The following INPP4B variants were observed in gnomAD, a reference collection of about 807,000 sequenced individuals.
The protein encoded by INPP4B is inositol polyphosphate 4-phosphatase type II.
Under a neutral mutation model 122.5 loss-of-function variants are expected in INPP4B, and 55 were observed. The ratio of observed to expected loss-of-function variants is 0.45; its 90% CI spans 0.36 to 0.56. The LOEUF (loss-of-function observed/expected upper bound fraction) is 0.56. Ranked by LOEUF, INPP4B falls within the 20% of genes least tolerant of loss-of-function variation. The pLI, the probability that INPP4B is intolerant of heterozygous loss-of-function variation, is 0.00. For synonymous variants in INPP4B, 403 were observed against 388.7 expected (o/e 1.04, Z -0.43); for missense variants, 1,000 against 1,097.7 (o/e 0.91, Z 1.26).
At chr4:142,315,138 T>C (rs1442322394) in intron 7 of INPP4B, among the ~76,000 whole-genome samples, 2 of 152,180 alleles carry the variant, frequency 1.3e-5, no homozygotes, top group Non-Finnish European at 2.9e-5. Context: ...AAAGAAATGA[T>C]AAATGTTTGA....
intron 2 of INPP4B, among the ~76,000 whole-genome samples, chr4:142,642,295 G>T (rs1371549623): frequency 3.9e-5 from 6 of 152,212 alleles, no homozygotes; most frequent in African/African-American, 7.2e-5. Flanking sequence ...GTCAATTTTG[G>T]CTTTTGTTGC....
chr4:142,479,766 A>G (rs983545142), intron 2 of INPP4B, among the ~76,000 whole-genome samples: 1 of 152,142 alleles, frequency 6.6e-6, no homozygotes, highest in African/African-American at 2.4e-5. Context: ...TATTGAGTAC[A>G]CGTGGACACA....
intron 11 of INPP4B, among the ~76,000 whole-genome samples, chr4:142,246,733 C>T (rs1197638977): frequency 6.6e-6 from 1 of 152,142 alleles, no homozygotes; most frequent in Non-Finnish European, 1.5e-5. Context: ...AGAATCATGT[C>T]ATCTGCAAAC....
chr4:142,199,632 G>A (rs143587443), intron 14 of INPP4B, among the ~76,000 whole-genome samples: 22 of 152,010 alleles, frequency 1.4e-4, no homozygotes, highest in East Asian at 1.2e-3. Context: ...AAGCTCCTCC[G>A]ATCTATAACA....
chr4:142,828,655 A>G lies in INPP4B; in HGVS notation c.-254+17554T>C, dbSNP rs1240962118. ...AGTGGGCTTACATTGAAAAATGAACATAAACTCAAGAAAACAAGCCATAGT... is the reference window on the plus strand; with the variant it reads ...AGTGGGCTTACATTGAAAAATGAACGTAAACTCAAGAAAACAAGCCATAGT... On this transcript the variant is annotated intron_variant, in intron 1 of 25. Transcript: ENST00000262992. 2.0e-5 allele frequency among the ~76,000 whole-genome samples: 3 copies of G among 152,308 alleles called. No homozygotes were observed. In the East Asian group the frequency reaches 5.8e-4, roughly 29 times the overall value.
intron 2 of INPP4B, among the ~76,000 whole-genome samples, chr4:142,660,312 C>A (rs1445185402): frequency 6.6e-6 from 1 of 152,120 alleles, no homozygotes; most frequent in Non-Finnish European, 1.5e-5. Context: ...TCACTTACCC[C>A]TGGGTATCTG....
chr4:142,140,530 T>C (rs1236556707), intron 18 of INPP4B, among the ~76,000 whole-genome samples: 1 of 152,190 alleles, frequency 6.6e-6, no homozygotes, highest in Non-Finnish European at 1.5e-5. Flanking sequence ...TTTTATCTGT[T>C]ACTTCTAGGA....
intron 25 of INPP4B, among the ~76,000 whole-genome samples, chr4:142,046,117 G>C (rs1313553089): frequency 2.6e-5 from 4 of 151,980 alleles, no homozygotes; most frequent in African/African-American, 7.2e-5. Flanking sequence ...TTTGAGAAGG[G>C]CCAAACTACT....
At chr4:142,394,272 A>G (rs955594653) in intron 7 of INPP4B, among the ~76,000 whole-genome samples, 1 of 152,108 alleles carries the variant, frequency 6.6e-6, no homozygotes, top group Admixed American at 6.5e-5. Context: ...CAGTCTCCCA[A>G]GTAGCTGGGA....
At chr4:142,156,716 T>C (rs1055028322) in intron 17 of INPP4B, among the ~76,000 whole-genome samples, 8 of 152,108 alleles carry the variant, frequency 5.3e-5, no homozygotes, top group African/African-American at 1.9e-4. Flanking sequence ...ATCAATTTTG[T>C]CAACAAAACA....
Position 142,312,622 on chromosome 4 carries a change from G to A in INPP4B, c.423+2090C>T, listed in dbSNP as rs139185991. On this transcript the variant is annotated intron_variant, in intron 8 of 25. Coordinates refer to ENST00000262992, the MANE Select transcript of INPP4B (RefSeq NM_001101669.3). Reference sequence around the variant, plus strand: ...GCCTGCATTTCTTCCATGTGGGATGGCAAGTACATGTGCGTTTCATGTATT... The same window carrying A: ...GCCTGCATTTCTTCCATGTGGGATGACAAGTACATGTGCGTTTCATGTATT... 2.0e-5 allele frequency among the ~76,000 whole-genome samples: 3 copies of A among 152,298 alleles called. No individual in the cohort carries two copies. In the East Asian group the frequency reaches 5.8e-4, roughly 29 times the overall value.
At chr4:142,781,276 A>T (rs1326040835) in intron 1 of INPP4B, among the ~76,000 whole-genome samples, 2 of 151,762 alleles carry the variant, frequency 1.3e-5, no homozygotes, top group African/African-American at 4.9e-5. Context: ...GGGGACTTGC[A>T]CTCTCCTGTC....
At chr4:142,458,864 G>A (rs1816091980) in intron 3 of INPP4B, among the ~76,000 whole-genome samples, 1 of 152,164 alleles carries the variant, frequency 6.6e-6, no homozygotes, top group African/African-American at 2.4e-5. Context: ...ATAAATCAGG[G>A]AGAAATACTC....
rs1348094654 is a variant in INPP4B at position 142,529,774 on chromosome 4, A to G, written c.-190-67048T>C. ...ATAACCCCAGAATCTTAGCAGCTTG[A>G]GCAGATAGATTTACTTCTCATTCAC... On this transcript the variant is annotated intron_variant, in intron 2 of 25. Transcript: ENST00000262992. Among the ~76,000 whole-genome samples the G allele has an allele frequency of 3.3e-5, 5 of 152,122 alleles. No individual in the cohort carries two copies. The East Asian group carries it at 9.7e-4, about 30-fold the overall frequency.
chr4:142,682,628 GA>G (rs1325680451), intron 2 of INPP4B, among the ~76,000 whole-genome samples: 2 of 151,880 alleles, frequency 1.3e-5, no homozygotes, highest in Non-Finnish European at 2.9e-5. Context: ...ATCTTTGCAT[GA>G]AAGGTTTTCT....
rs116206766 is a variant in INPP4B, at chr4:142,634,463, C to T, written c.-191+91376G>A. On this transcript the variant is annotated intron_variant, in intron 2 of 25. Transcript: ENST00000262992. ...AACCTTATGTAAGAAAAATCAAGTC[C>T]AACAACATATAGAAATTATAATACA... Among the ~76,000 whole-genome samples, 403 of 152,056 alleles carry T rather than the reference C, an allele frequency of 2.7e-3. 4 individuals carry two copies. Among genetic ancestry groups the T allele is most frequent in the African/African-American group, 9.0e-3 (374 of 41,512 alleles).
chr4:142,070,600 C>T (rs1359712473), intron 25 of INPP4B, among the ~76,000 whole-genome samples: 1 of 152,106 alleles, frequency 6.6e-6, no homozygotes, highest in Non-Finnish European at 1.5e-5. Context: ...ATCGTCTGAG[C>T]CCCAAATACC....
chr4:142,736,943 G>A (rs1323531315), intron 1 of INPP4B, among the ~76,000 whole-genome samples: 4 of 151,892 alleles, frequency 2.6e-5, no homozygotes, highest in Non-Finnish European at 1.5e-5. Flanking sequence ...GTTTGTCATA[G>A]ATAGCTCGAA....
chr4:142,601,404 T>C (rs2150297497), intron 2 of INPP4B, among the ~76,000 whole-genome samples: 1 of 152,096 alleles, frequency 6.6e-6, no homozygotes, highest in South Asian at 2.1e-4. Context: ...AGAGCAGTTT[T>C]GGAAACTATG....
Sources: gnomAD v4.1 joint callset for allele counts (sites outside exome capture counted in the v4.1 genomes callset) on GRCh38, gnomAD v4.1.1 for gene constraint, MANE v1.5 for transcripts, NCBI Gene and HGNC (gene_info 2026-07-23, HGNC 2026-07-21) for gene names.